Variants in SLK observed in about 807,000 individuals in gnomAD.
SLK encodes STE20 like kinase, also known as STE20-like serine/threonine-protein kinase.
A neutral mutation model predicts 147.7 loss-of-function variants in SLK; 67 were observed. The ratio of observed to expected loss-of-function variants is 0.45; its 90% CI spans 0.37 to 0.56. The LOEUF is 0.56. Among genes scored for constraint, SLK ranks in the 20% least tolerant of loss-of-function variants. The pLI is 0.00. For missense variants in SLK, 1,136 were observed against 1,438.8 expected (o/e 0.79, Z 3.41); for synonymous variants, 441 against 475.0 (o/e 0.93, Z 0.93).
At chr10:103,992,478 AT>A in intron 2 of SLK, 119 bp from the exon 3 acceptor site, 1 of 893,920 alleles carries the variant, frequency 1.1e-6, no homozygotes, top group Non-Finnish European at 1.7e-6. Flanking sequence ...TATCGTTTCC[AT>A]AACCAGATTA....
chr10:104,016,506 T>C (rs931033822), intron 13 of SLK, among the ~76,000 whole-genome samples: 1 of 152,188 alleles, frequency 6.6e-6, no homozygotes, highest in African/African-American at 2.4e-5. Flanking sequence ...TAAATATTCA[T>C]TGAAAATTTT....
chr10:103,973,675 G>A (rs1354084894), intron 1 of SLK, among the ~76,000 whole-genome samples: 1 of 152,092 alleles, frequency 6.6e-6, no homozygotes, highest in East Asian at 1.9e-4. Context: ...TTTTTCCCTA[G>A]AAGTGGGAAC....
chr10:103,967,992 C>T (rs1402782211), intron 1 of SLK, 97 bp downstream of exon 1: 6 of 1,271,754 alleles, frequency 4.7e-6, no homozygotes, highest in Non-Finnish European at 5.5e-6. Flanking sequence ...CTTATCCTGT[C>T]CTTCTTTTGA....
At chr10:103,996,865 G>A (rs1161175568) in intron 4 of SLK, among the ~76,000 whole-genome samples, 3 of 152,070 alleles carry the variant, frequency 2.0e-5, no homozygotes, top group Admixed American at 1.3e-4. Context: ...GTCCATGTTT[G>A]TAACTTTTTC....
chr10:104,024,316 C>A (rs1208876224), intron 18 of SLK, among the ~76,000 whole-genome samples: 1 of 152,212 alleles, frequency 6.6e-6, no homozygotes, highest in East Asian at 1.9e-4. Context: ...GAGGATTTAT[C>A]CTCAAGGACA....
intron 13 of SLK, among the ~76,000 whole-genome samples, chr10:104,013,442 A>T (rs1473466637): frequency 6.6e-6 from 1 of 152,246 alleles, no homozygotes; most frequent in Non-Finnish European, 1.5e-5. Context: ...AACAACAGCA[A>T]CACACTAGAG....
At chr10:103,993,426 C>T (rs1439432275) in intron 4 of SLK, among the ~76,000 whole-genome samples, 2 of 151,942 alleles carry the variant, frequency 1.3e-5, no homozygotes, top group African/African-American at 2.4e-5. Flanking sequence ...AATTTTTGTA[C>T]GTAGACTTAA....
chr10:104,019,583 A>G (rs768369310), intron 15 of SLK, 151 bp from the exon 16 acceptor site: 5 of 677,852 alleles, frequency 7.4e-6, no homozygotes, highest in Non-Finnish European at 1.3e-5. Context: ...AACTTCTTAC[A>G]AGTTATTTTG....
chr10:103,971,398 C>T (rs961913045), intron 1 of SLK, among the ~76,000 whole-genome samples: 12 of 152,136 alleles, frequency 7.9e-5, no homozygotes, highest in African/African-American at 4.8e-5. Flanking sequence ...CCTCAGCCTC[C>T]GGAGTAGTTG....
chr10:103,973,188 A>G (rs1843816633), intron 1 of SLK, among the ~76,000 whole-genome samples: 1 of 152,224 alleles, frequency 6.6e-6, no homozygotes, highest in Non-Finnish European at 1.5e-5. Context: ...TCTATAATCT[A>G]CCTAGAATAG....
In SLK at chr10:104,026,687, G is replaced by C. The variant is rs973618283; in HGVS notation, c.*967G>C. On this transcript the variant is annotated 3_prime_UTR_variant, in exon 19 of 19. Transcript: ENST00000369755. ...TCTGTCAGAGGCCTGCAGGCTGTGA[G>C]TTATATTTATAAATATATCTTCAGA... 1 of 152,098 alleles carries C rather than the reference G, an allele frequency of 6.6e-6. No individual in the cohort carries two copies. The highest frequency in any genetic ancestry group is 6.5e-5 in the Admixed American group (1 of 15,274). The allele number at this position is 152,098 out of a possible 1,614,324, so 9.4% of individuals were successfully genotyped here.
rs535688943 is a variant in SLK at position 103,991,231 on chromosome 10, G to T, written c.315+392G>T. On this transcript the variant is annotated intron_variant, in intron 2 of 18. Transcript: ENST00000369755. Reference sequence around the variant, plus strand: ...TTATCCTAAACTTTTTGTAAATCTTGTAATAAACTGTAAAATACTAGAAAT... The same window carrying T: ...TTATCCTAAACTTTTTGTAAATCTTTTAATAAACTGTAAAATACTAGAAAT... Among the ~76,000 whole-genome samples, 3 of 152,116 alleles carry T rather than the reference G, an allele frequency of 2.0e-5. No homozygotes were observed. The East Asian group carries it at 5.8e-4, about 29-fold the overall frequency.
intron 5 of SLK, 32 bp downstream of exon 5, chr10:103,999,003 T>C (rs778899380): frequency 1.3e-6 from 2 of 1,553,768 alleles, no homozygotes; most frequent in Non-Finnish European, 1.8e-6. Flanking sequence ...TTTATAGTAT[T>C]AGTCATGTCA....
At chr10:104,013,201 C>T (rs1245349176) in intron 13 of SLK, among the ~76,000 whole-genome samples, 1 of 152,222 alleles carries the variant, frequency 6.6e-6, no homozygotes, top group Non-Finnish European at 1.5e-5. Flanking sequence ...AATGGTCATA[C>T]AGTCATGGAG....
chr10:103,989,836 T>C lies in SLK; in HGVS notation c.151-839T>C, dbSNP rs543857563. On this transcript the variant is annotated intron_variant, in intron 1 of 18. Transcript: ENST00000369755. The stretch of plus-strand genomic sequence containing the variant: ...TATGATCCAGCAGTTGTACTCCTTG[T>C]TTATTACCCAAATGAGTTGAAAAAC... Among the ~76,000 whole-genome samples, 3 of 150,276 alleles carry C rather than the reference T, an allele frequency of 2.0e-5. No homozygotes were observed. The East Asian group carries it at 5.8e-4, about 29-fold the overall frequency.
rs1844083811 is a variant in SLK, at chr10:103,990,851, C to A, written c.315+12C>A. 3 of 1,475,712 alleles carry A rather than the reference C, an allele frequency of 2.0e-6. No individual in the cohort carries two copies. Among genetic ancestry groups the A allele is most frequent in the Non-Finnish European group, 2.7e-6 (3 of 1,117,322 alleles). 91.4% of individuals were successfully genotyped at this position (1,475,712 alleles called of 1,614,324 possible). A position where few individuals can be genotyped will look rare whatever the true frequency, so the allele number is the denominator to read the frequency against. ...AGAACAATCTTTGGGTAAGTATTTTCTGTTGATCTAAAGGAGTAGCCAAAA... is the reference window on the plus strand; with the variant it reads ...AGAACAATCTTTGGGTAAGTATTTTATGTTGATCTAAAGGAGTAGCCAAAA... On this transcript the variant is annotated intron_variant, in intron 2 of 18. Coordinates refer to ENST00000369755, the MANE Select transcript of SLK (RefSeq NM_014720.4).
At chr10:103,983,455 C>G (rs978023536) in intron 1 of SLK, among the ~76,000 whole-genome samples, 1 of 152,220 alleles carries the variant, frequency 6.6e-6, no homozygotes, top group Non-Finnish European at 1.5e-5. Flanking sequence ...AGTTCTTAAT[C>G]TCAGTTCCAA....
intron 1 of SLK, among the ~76,000 whole-genome samples, chr10:103,976,460 T>C (rs1843872295): frequency 6.6e-6 from 1 of 152,186 alleles, no homozygotes; most frequent in Non-Finnish European, 1.5e-5. Context: ...TGTTAGCCAT[T>C]CTGTTGAGTA....
At chr10:104,003,772 C>G (rs1008133816) in intron 9 of SLK, among the ~76,000 whole-genome samples, 1 of 152,000 alleles carries the variant, frequency 6.6e-6, no homozygotes, top group African/African-American at 2.4e-5. Context: ...AATATGGTTG[C>G]TTGGTGTGAT....
Sources: gnomAD v4.1 joint callset for allele counts (sites outside exome capture counted in the v4.1 genomes callset) on GRCh38, gnomAD v4.1.1 for gene constraint, MANE v1.5 for transcripts, NCBI Gene and HGNC (gene_info 2026-07-23, HGNC 2026-07-21) for gene names.